The following CEP192 variants were observed in gnomAD, a reference collection of about 807,000 sequenced individuals.
The protein encoded by CEP192 is centrosomal protein 192.
CEP192 carries 151 observed loss-of-function variants against 271.8 expected under a neutral mutation model. That is an observed-to-expected ratio of 0.56 (90% CI 0.49 to 0.64). The LOEUF (loss-of-function observed/expected upper bound fraction) is 0.64, where lower values mean the gene tolerates loss of function less well. Among genes scored for constraint, CEP192 ranks in the 30% least tolerant of loss-of-function variants. The pLI, the probability that CEP192 is intolerant of heterozygous loss-of-function variation, is 0.00. For synonymous variants in CEP192, 995 were observed against 1,076.5 expected (o/e 0.92, Z 1.48); for missense variants, 2,910 against 3,020.5 (o/e 0.96, Z 0.86).
intron 44 of CEP192, among the ~76,000 whole-genome samples, chr18:13,123,929 G>T (rs1243181461): frequency 6.6e-6 from 1 of 152,174 alleles, no homozygotes; most frequent in Non-Finnish European, 1.5e-5. Flanking sequence ...GGAAGCCAAG[G>T]CGGGTGGATC....
intron 9 of CEP192, among the ~76,000 whole-genome samples, chr18:13,029,387 T>C (rs2035485182): frequency 6.6e-6 from 1 of 152,250 alleles, no homozygotes. Flanking sequence ...TCTATCATCC[T>C]GTAATGTAAT....
intron 2 of CEP192, chr18:13,000,486 G>A (rs58322002): frequency 0.11 from 17,116 of 152,118 alleles, 1,130 homozygotes; most frequent in East Asian, 0.31. Flanking sequence ...TCTATTTAGA[G>A]GTATGACAGA....
intron 26 of CEP192, 78 bp downstream of exon 26, chr18:13,069,259 T>G: frequency 1.6e-6 from 2 of 1,233,506 alleles, no homozygotes; most frequent in Middle Eastern, 3.7e-4. Context: ...CAGGCTGTTG[T>G]GCTCTTCCTG....
chr18:13,039,404 C>T (rs1317594107), intron 13 of CEP192, among the ~76,000 whole-genome samples: 1 of 150,830 alleles, frequency 6.6e-6, no homozygotes, highest in Admixed American at 6.6e-5. Context: ...TGCAGTGAGC[C>T]GAGATCACGC....
chr18:12,998,534 A>T (rs2145772928), intron 1 of CEP192, among the ~76,000 whole-genome samples: 1 of 152,310 alleles, frequency 6.6e-6, no homozygotes, highest in East Asian at 1.9e-4. Context: ...GGATTCAGTG[A>T]GCTAAGTTAG....
intron 9 of CEP192, among the ~76,000 whole-genome samples, chr18:13,023,256 T>C (rs2035095170): frequency 6.6e-6 from 1 of 152,216 alleles, no homozygotes; most frequent in Non-Finnish European, 1.5e-5. Context: ...GTGTCTTAAT[T>C]GCATTAGCTA....
Position 13,095,527 on chromosome 18 carries a change from T to A in CEP192, c.6279T>A (p.His2093Gln), listed in dbSNP as rs1282539361. Reference protein sequence around the residue: ...STSDLGASGKHGGNVSLDVLP... With the variant: ...STSDLGASGKQGGNVSLDVLP... ...GCGACTTGGGAGCTTCTGGGAAACA[T>A]GGTGGCAACGTCTCTTTGGATGTTT... The change falls in exon 35 of 45, where the codon CAT becomes CAA. Residue 2093 changes from histidine (H) to glutamine (Q), a missense_variant. His to Gln is a conservative substitution (Grantham distance 24). Transcript: ENST00000506447. 1.2e-6 allele frequency: 2 copies of A among 1,611,308 alleles called. No homozygotes were observed. The highest frequency in any genetic ancestry group is 1.7e-6 in the Non-Finnish European group (2 of 1,179,038).
chr18:13,101,960 T>C (rs2039728583), intron 38 of CEP192, among the ~76,000 whole-genome samples: 1 of 152,158 alleles, frequency 6.6e-6, no homozygotes, highest in Non-Finnish European at 1.5e-5. Context: ...TCTCTGTTCC[T>C]GCCTGGCAAG....
chr18:13,053,977 C>G (rs2036946479), intron 18 of CEP192, among the ~76,000 whole-genome samples: 2 of 152,218 alleles, frequency 1.3e-5, no homozygotes, highest in Non-Finnish European at 2.9e-5. Context: ...CAGGTGCCTA[C>G]CACCACATCT....
chr18:13,039,716 G>A (rs1316083467), intron 13 of CEP192, among the ~76,000 whole-genome samples: 3 of 152,172 alleles, frequency 2.0e-5, no homozygotes, highest in Non-Finnish European at 4.4e-5. Flanking sequence ...CTGGGAGGAA[G>A]TGCTTAGAGG....
intron 21 of CEP192, among the ~76,000 whole-genome samples, chr18:13,064,349 A>G (rs2037572513): frequency 6.6e-6 from 1 of 151,238 alleles, no homozygotes; most frequent in Non-Finnish European, 1.5e-5. Context: ...ACGGTGGCTC[A>G]TGCCTGTAAT....
intron 4 of CEP192, among the ~76,000 whole-genome samples, chr18:13,009,881 A>C (rs986427303): frequency 3.3e-5 from 5 of 152,174 alleles, no homozygotes; most frequent in African/African-American, 9.7e-5. Flanking sequence ...AACTACAAAA[A>C]TATGGGGGGT....
intron 44 of CEP192, among the ~76,000 whole-genome samples, chr18:13,121,362 C>T (rs977328294): frequency 2.0e-5 from 3 of 152,134 alleles, no homozygotes; most frequent in Non-Finnish European, 2.9e-5. Context: ...TTTTCCAAGG[C>T]CACCGGAAGG....
In CEP192 at chr18:13,124,821, C is replaced by T. The variant is rs776118265; in HGVS notation, c.*51C>T. Reference sequence around the variant, plus strand: ...AATTACATAAGTTGTATTTTGTTAACTTTATCTTTCTACACTACAATTATG... The same window carrying T: ...AATTACATAAGTTGTATTTTGTTAATTTTATCTTTCTACACTACAATTATG... On this transcript the variant is annotated 3_prime_UTR_variant, in exon 45 of 45. Coordinates refer to ENST00000506447, the MANE Select transcript of CEP192 (RefSeq NM_032142.4). 2.2e-6 allele frequency: 3 copies of T among 1,352,922 alleles called. No individual in the cohort carries two copies. The highest frequency in any genetic ancestry group is 3.1e-6 in the Non-Finnish European group (3 of 965,858). 83.8% of individuals were successfully genotyped at this position (1,352,922 alleles called of 1,614,324 possible). A position where few individuals can be genotyped will look rare whatever the true frequency, so the allele number is the denominator to read the frequency against.
intron 40 of CEP192, among the ~76,000 whole-genome samples, chr18:13,106,831 G>A (rs1217113409): frequency 6.6e-6 from 1 of 152,118 alleles, no homozygotes; most frequent in East Asian, 1.9e-4. Context: ...ACAAATTTTA[G>A]GGATCATATT....
Position 13,124,613 on chromosome 18 carries a change from T to C in CEP192, c.7476-19T>C. The C allele has an allele frequency of 2.5e-6, 4 of 1,602,638 alleles. No individual in the cohort carries two copies. Among genetic ancestry groups the C allele is most frequent in the East Asian group, 2.2e-5 (1 of 44,636 alleles). On this transcript the variant is annotated intron_variant, in intron 44 of 44. Coordinates refer to ENST00000506447, the MANE Select transcript of CEP192 (RefSeq NM_032142.4). ...GTGCTGTCATGACATGCTGCTGTCA[T>C]GTGCCTCTCTCTTTCCAGAGCCCAG...
chr18:13,056,566 T>C lies in CEP192; in HGVS notation c.3976T>C (p.Ser1326Pro), dbSNP rs757813039. The stretch of plus-strand genomic sequence containing the variant: ...TATCGGCTCTGGATGGATGGGTACC[T>C]CTTCCCTCTGTAACCCATATTCTAA... ...SNIGSGWMGT[S>P]SLCNPYSNTL... The change falls in exon 19 of 45, where the codon TCT (serine) becomes CCT (proline). Residue 1326 changes from serine (S) to proline (P), a missense_variant. Transcript: ENST00000506447. 3.6e-5 allele frequency: 58 copies of C among 1,614,082 alleles called. No homozygotes were observed. Among genetic ancestry groups the C allele is most frequent in the Non-Finnish European group, 1.7e-6 (2 of 1,180,010 alleles).
At chr18:13,082,169 T>C (rs1339047943) in intron 30 of CEP192, among the ~76,000 whole-genome samples, 5 of 152,202 alleles carry the variant, frequency 3.3e-5, no homozygotes. Context: ...TTGTTAACCT[T>C]CTGCCTTGTT....
At chr18:13,039,105 A>T (rs983881456) in intron 13 of CEP192, among the ~76,000 whole-genome samples, 1 of 152,232 alleles carries the variant, frequency 6.6e-6, no homozygotes, top group African/African-American at 2.4e-5. Context: ...TACTTTAGCT[A>T]TGCTGGTCAG....
Sources: allele counts gnomAD v4.1 joint callset (sites outside exome capture counted in the v4.1 genomes callset), GRCh38; gene constraint gnomAD v4.1.1; transcripts MANE v1.5; gene names NCBI Gene and HGNC (gene_info 2026-07-23, HGNC 2026-07-21).